Variants in BAIAP2L1 observed in about 807,000 individuals in gnomAD.
The protein encoded by BAIAP2L1 is BAR/IMD domain-containing adapter protein 2-like 1.
In BAIAP2L1, 35 loss-of-function variants were observed where a neutral mutation model predicts 66.3. That is an observed-to-expected ratio of 0.53 (90% CI 0.40 to 0.70). The LOEUF is 0.70. BAIAP2L1 is among the 30% of genes least tolerant of loss of function. The pLI is 0.00. For synonymous variants in BAIAP2L1, 269 were observed against 248.7 expected, an observed-to-expected ratio of 1.08 and a Z score of -0.77; for missense variants, 622 against 656.9, an observed-to-expected ratio of 0.95 and a Z score of 0.58.
Position 98,317,299 on chromosome 7 carries a change from A to G in BAIAP2L1, c.406T>C (p.Ser136Pro), listed in dbSNP as rs1584448946. ...CTGATCTTCTTCAACTCAGCTTGGG[A>G]TTTCTCCAAAGACTCTAATTTATTC... Reference protein sequence around the residue: ...HKNKLESLEKSQAELKKIRRK... With the variant: ...HKNKLESLEKPQAELKKIRRK... Residue 136 changes from serine to proline, a missense_variant, in exon 6 of 14, where the codon TCC becomes CCC. Coordinates refer to ENST00000005260, the MANE Select transcript of BAIAP2L1 (RefSeq NM_018842.5). 1 of 1,614,042 alleles carries G rather than the reference A, an allele frequency of 6.2e-7. No individual in the cohort carries two copies. The highest frequency in any genetic ancestry group is 8.5e-7 in the Non-Finnish European group (1 of 1,180,004).
At chr7:98,338,066 G>T (rs751852195) in intron 3 of BAIAP2L1, among the ~76,000 whole-genome samples, 32 of 152,094 alleles carry the variant, frequency 2.1e-4, no homozygotes, top group Admixed American at 9.2e-4. Context: ...TTTACCAAGG[G>T]TAACATTAGT....
Position 98,361,956 on chromosome 7 carries a change from C to CG in BAIAP2L1, c.127+400dup, listed in dbSNP as rs562846925. Among the ~76,000 whole-genome samples, 35 of 151,558 alleles carry CG rather than the reference C, an allele frequency of 2.3e-4. No homozygotes were observed. The South Asian group carries it at 6.9e-3, about 30-fold the overall frequency. On this transcript the variant is annotated intron_variant, in intron 2 of 13. Transcript: ENST00000005260. ...CATGTAACTATCAAAAGTGACACAT[C>CG]GGGGAAAAAAAGATGAAAAAAGTGA...
At chr7:98,319,141 G>A (rs1346647201) in intron 5 of BAIAP2L1, among the ~76,000 whole-genome samples, 1 of 152,092 alleles carries the variant, frequency 6.6e-6, no homozygotes, top group Non-Finnish European at 1.5e-5. Flanking sequence ...AGGGCAACTC[G>A]CACACTCACT....
intron 1 of BAIAP2L1, among the ~76,000 whole-genome samples, chr7:98,389,684 C>T (rs370914354): frequency 6.6e-6 from 1 of 152,000 alleles, no homozygotes; most frequent in Admixed American, 6.6e-5. Flanking sequence ...TCTTCTTGTC[C>T]CTGTTGTCAC....
intron 1 of BAIAP2L1, among the ~76,000 whole-genome samples, chr7:98,373,925 T>C (rs1169008509): frequency 6.6e-6 from 1 of 152,072 alleles, no homozygotes; most frequent in Non-Finnish European, 1.5e-5. Flanking sequence ...ACATTGAAGG[T>C]GTTATGATCT....
Position 98,333,099 on chromosome 7 carries a change from C to T in BAIAP2L1, c.215-12801G>A, listed in dbSNP as rs540110721. On this transcript the variant is annotated intron_variant, in intron 3 of 13. Transcript: ENST00000005260. ...TGCCTGATGAGTTCCCCGCAGTGCA[C>T]GTCCCTGACCACCCTACCTAAAACA... 1.6e-4 allele frequency among the ~76,000 whole-genome samples: 24 copies of T among 152,250 alleles called. No homozygotes were observed. In the South Asian group the frequency reaches 4.1e-3, roughly 26 times the overall value.
At position 98,300,634 on chromosome 7, in the gene BAIAP2L1, C is replaced by A. The variant is rs73391040; in HGVS notation, c.1422+3562G>T. Among the ~76,000 whole-genome samples the A allele has an allele frequency of 8.1e-3, 1,233 of 152,224 alleles. 19 individuals are homozygous for A. Among genetic ancestry groups the A allele is most frequent in the African/African-American group, 0.028 (1,154 of 41,540 alleles). ...CCTCCCTTTCTCCATTTCACGAGGCCCCGCTATCCCTCTACCTCCCCAGGA... is the reference window on the plus strand; with the variant it reads ...CCTCCCTTTCTCCATTTCACGAGGCACCGCTATCCCTCTACCTCCCCAGGA... On this transcript the variant is annotated intron_variant, in intron 12 of 13. Coordinates refer to ENST00000005260, the MANE Select transcript of BAIAP2L1 (RefSeq NM_018842.5).
chr7:98,360,359 G>C (rs74915548), intron 2 of BAIAP2L1, among the ~76,000 whole-genome samples: 1,593 of 152,222 alleles, frequency 0.01, 6 homozygotes, highest in Non-Finnish European at 0.016. Flanking sequence ...GTGTTCTAAC[G>C]TAACTGTGGA....
At chr7:98,300,865 A>AGGC (rs1002589134) in intron 12 of BAIAP2L1, among the ~76,000 whole-genome samples, 131 of 152,170 alleles carry the variant, frequency 8.6e-4, no homozygotes, top group Middle Eastern at 3.4e-3. Context: ...CGCAACGCCC[A>AGGC]GGCCTTGTGT....
At position 98,292,791 on chromosome 7, in the gene BAIAP2L1, C is replaced by A; in HGVS notation, c.*730G>T. 1 of 1,542,680 alleles carries A rather than the reference C, an allele frequency of 6.5e-7. No homozygotes were observed. Among genetic ancestry groups the A allele is most frequent in the Admixed American group, 2.0e-5 (1 of 50,434 alleles). On this transcript the variant is annotated 3_prime_UTR_variant, in exon 14 of 14. Coordinates refer to ENST00000005260, the MANE Select transcript of BAIAP2L1 (RefSeq NM_018842.5). Reference sequence around the variant, plus strand: ...AGTGAGAACACAAGGAGCCGTGACTCCGACGCCCAGGCCTGTGTCCTGGAT... The same window carrying A: ...AGTGAGAACACAAGGAGCCGTGACTACGACGCCCAGGCCTGTGTCCTGGAT...
chr7:98,297,061 A>G (rs750855455), intron 12 of BAIAP2L1, among the ~76,000 whole-genome samples: 4 of 152,228 alleles, frequency 2.6e-5, no homozygotes, highest in Non-Finnish European at 4.4e-5. Context: ...TGTGTCCCCA[A>G]CAAGACAGGA....
At chr7:98,343,534 T>C (rs1018053702) in intron 3 of BAIAP2L1, among the ~76,000 whole-genome samples, 2 of 152,156 alleles carry the variant, frequency 1.3e-5, no homozygotes, top group African/African-American at 2.4e-5. Context: ...TGGATTTGGG[T>C]TGACGGTTTG....
In BAIAP2L1 at chr7:98,292,218, G is replaced by C. The variant is rs921077950; in HGVS notation, c.*1303C>G. Reference sequence around the variant, plus strand: ...CACTTATGGCAAGGCTAAAGGAGAGGGGATAAGTCACAGCCCCAGCACCCA... The same window carrying C: ...CACTTATGGCAAGGCTAAAGGAGAGCGGATAAGTCACAGCCCCAGCACCCA... On this transcript the variant is annotated 3_prime_UTR_variant, in exon 14 of 14. Coordinates refer to ENST00000005260, the MANE Select transcript of BAIAP2L1 (RefSeq NM_018842.5). The C allele has an allele frequency of 4.9e-6, 1 of 204,680 alleles. No individual in the cohort carries two copies. The highest frequency in any genetic ancestry group is 1.0e-5 in the Non-Finnish European group (1 of 99,344). 12.7% of individuals were successfully genotyped at this position (204,680 alleles called of 1,614,324 possible).
chr7:98,370,513 CT>C (rs967710287), intron 1 of BAIAP2L1, among the ~76,000 whole-genome samples: 3 of 150,286 alleles, frequency 2.0e-5, no homozygotes, highest in African/African-American at 7.3e-5. Flanking sequence ...GAAATTTTGG[CT>C]TTTTTTTTGA....
At chr7:98,389,918 A>ATTTTTTTTTTTTTTTT (rs750099451) in intron 1 of BAIAP2L1, among the ~76,000 whole-genome samples, 8 of 129,788 alleles carry the variant, frequency 6.2e-5, no homozygotes, top group Non-Finnish European at 1.2e-4. Context: ...GGGTTAGTAA[A>ATTTTTTTTTTTTTTTT]TTTTTTTTTT....
rs187593897 is a variant in BAIAP2L1 at position 98,325,534 on chromosome 7, C to T, written c.215-5236G>A. On this transcript the variant is annotated intron_variant, in intron 3 of 13. Coordinates refer to ENST00000005260, the MANE Select transcript of BAIAP2L1 (RefSeq NM_018842.5). ...CTCTACTAAAAATACAAAAATTAGC[C>T]GGGCTTGGTGGCGCGTGCCTGTAGT... Among the ~76,000 whole-genome samples the T allele has an allele frequency of 3.3e-3, 504 of 151,530 alleles. 2 individuals are homozygous for T. Among genetic ancestry groups the T allele is most frequent in the African/African-American group, 0.011 (473 of 41,302 alleles).
chr7:98,366,019 T>C (rs1169115766), intron 1 of BAIAP2L1, among the ~76,000 whole-genome samples: 2 of 152,178 alleles, frequency 1.3e-5, no homozygotes, highest in African/African-American at 4.8e-5. Context: ...GCTGTGGGTG[T>C]GTGCACAGGG....
chr7:98,323,242 GC>G (rs1364860412), intron 3 of BAIAP2L1: 3 of 152,050 alleles, frequency 2.0e-5, no homozygotes, highest in Non-Finnish European at 4.4e-5. Flanking sequence ...CCATTTTATA[GC>G]CCCTCAGTCA....
At chr7:98,346,489 G>C (rs1801875746) in intron 3 of BAIAP2L1, among the ~76,000 whole-genome samples, 1 of 152,120 alleles carries the variant, frequency 6.6e-6, no homozygotes, top group African/African-American at 2.4e-5. Context: ...AATTCCAAGT[G>C]AATTTTTTAA....
Sources: gnomAD v4.1 joint callset for allele counts (sites outside exome capture counted in the v4.1 genomes callset) on GRCh38, gnomAD v4.1.1 for gene constraint, MANE v1.5 for transcripts, NCBI Gene and HGNC (gene_info 2026-07-23, HGNC 2026-07-21) for gene names.